KCTD16: variants seen among roughly 807,000 people sequenced by gnomAD.
KCTD16 encodes the protein BTB/POZ domain-containing protein KCTD16.
In KCTD16, 13 loss-of-function variants were observed where a neutral mutation model predicts 33.2. The ratio of observed to expected loss-of-function variants is 0.39; its 90% CI spans 0.25 to 0.62. The LOEUF (loss-of-function observed/expected upper bound fraction) is 0.62, where lower values mean the gene tolerates loss of function less well. Ranked by LOEUF, KCTD16 falls within the 20% of genes least tolerant of loss-of-function variation. The pLI is 0.50. For synonymous variants in KCTD16, 197 were observed against 195.3 expected (o/e 1.01, Z -0.07); for missense variants, 441 against 525.1 (o/e 0.84, Z 1.57).
rs2127008150 is a variant in KCTD16, at chr5:144,482,235, GACTTGTA to G, written c.*8122_*8128del. 2 of 151,936 alleles carry G rather than the reference GACTTGTA, an allele frequency of 1.3e-5. No homozygotes were observed. The highest frequency in any genetic ancestry group is 4.1e-4 in the South Asian group (2 of 4,822). The allele number at this position is 151,936 out of a possible 1,614,324, so 9.4% of individuals were successfully genotyped here. A position where few individuals can be genotyped will look rare whatever the true frequency, so the allele number is the denominator to read the frequency against. ...TCATCAGTTTTTTTTGTTTGTTTGT[GACTTGTA>G]TCTGCCTAGGAGGTAAAGAAAGGGC... On this transcript the variant is annotated 3_prime_UTR_variant, in exon 4 of 4. Transcript: ENST00000512467.
intron 3 of KCTD16, among the ~76,000 whole-genome samples, chr5:144,278,063 G>A (rs1410563847): frequency 2.6e-5 from 4 of 152,122 alleles, no homozygotes; most frequent in Admixed American, 6.5e-5. Context: ...TTTATGGGCT[G>A]TGCTTTTGGT....
chr5:144,252,457 A>G (rs1354513467), intron 3 of KCTD16, among the ~76,000 whole-genome samples: 1 of 152,204 alleles, frequency 6.6e-6, no homozygotes, highest in East Asian at 1.9e-4. Context: ...AACATTTGAC[A>G]GGTGGCCTTA....
intron 3 of KCTD16, among the ~76,000 whole-genome samples, chr5:144,238,145 C>T (rs1754304158): frequency 6.6e-6 from 1 of 152,106 alleles, no homozygotes; most frequent in African/African-American, 2.4e-5. Context: ...CTTGTGCAGC[C>T]AGATGGCTAT....
At chr5:144,228,860 A>G (rs1754012161) in intron 3 of KCTD16, among the ~76,000 whole-genome samples, 1 of 152,240 alleles carries the variant, frequency 6.6e-6, no homozygotes, top group African/African-American at 2.4e-5. Flanking sequence ...ATGTACATAT[A>G]GTACCTACGT....
chr5:144,264,678 T>C (rs1037424499), intron 3 of KCTD16, among the ~76,000 whole-genome samples: 1 of 152,110 alleles, frequency 6.6e-6, no homozygotes, highest in Non-Finnish European at 1.5e-5. Flanking sequence ...GAGGCTGAGA[T>C]GGGAGGATTG....
intron 3 of KCTD16, among the ~76,000 whole-genome samples, chr5:144,337,014 G>T (rs962205349): frequency 2.7e-5 from 4 of 150,884 alleles, no homozygotes; most frequent in African/African-American, 9.7e-5. Flanking sequence ...GTTATATTTT[G>T]CTATATTAAC....
chr5:144,304,712 T>C (rs183557469), intron 3 of KCTD16, among the ~76,000 whole-genome samples: 1 of 152,228 alleles, frequency 6.6e-6, no homozygotes, highest in East Asian at 1.9e-4. Flanking sequence ...TACTGAGAGA[T>C]ATTGGAACGT....
chr5:144,238,577 G>C (rs560378024), intron 3 of KCTD16, among the ~76,000 whole-genome samples: 137 of 152,204 alleles, frequency 9.0e-4, no homozygotes, highest in African/African-American at 3.2e-3. Context: ...TGGTAACCGG[G>C]CTTTATCTTA....
At chr5:144,313,879 G>A (rs1580865664) in intron 3 of KCTD16, among the ~76,000 whole-genome samples, 1 of 152,060 alleles carries the variant, frequency 6.6e-6, no homozygotes, top group Non-Finnish European at 1.5e-5. Flanking sequence ...AGCATGCCAG[G>A]CACTGTCAAT....
intron 3 of KCTD16, among the ~76,000 whole-genome samples, chr5:144,397,573 A>G (rs924109092): frequency 2.0e-5 from 3 of 152,148 alleles, no homozygotes; most frequent in Non-Finnish European, 4.4e-5. Flanking sequence ...ATTTCTCCAC[A>G]TCCTCTCCAG....
At chr5:144,374,136 T>C (rs1427230181) in intron 3 of KCTD16, among the ~76,000 whole-genome samples, 1 of 152,224 alleles carries the variant, frequency 6.6e-6, no homozygotes. Context: ...TAAGGCAACA[T>C]ATTCACAGGT....
chr5:144,172,113 C>A (rs930421706), intron 1 of KCTD16, among the ~76,000 whole-genome samples: 1 of 151,960 alleles, frequency 6.6e-6, no homozygotes, highest in African/African-American at 2.4e-5. Context: ...TCTCTCAACA[C>A]CCCCCACCCC....
chr5:144,196,805 T>C (rs565064791), intron 2 of KCTD16, among the ~76,000 whole-genome samples: 53 of 152,340 alleles, frequency 3.5e-4, no homozygotes, highest in African/African-American at 6.0e-4. Context: ...CTGGCAGCTA[T>C]TGGAACTGCA....
chr5:144,471,329 T>C lies in KCTD16; in HGVS notation c.833-2331T>C, dbSNP rs113603381. Among the ~76,000 whole-genome samples, 517 of 152,358 alleles carry C rather than the reference T, an allele frequency of 3.4e-3. 7 individuals are homozygous for C. Among genetic ancestry groups the C allele is most frequent in the African/African-American group, 0.012 (495 of 41,588 alleles). On this transcript the variant is annotated intron_variant, in intron 3 of 3. Coordinates refer to ENST00000512467, the MANE Select transcript of KCTD16 (RefSeq NM_020768.4). ...AAAAAGACAGCAATTGCTTCTCTAC[T>C]TGTTCAGCAGGGTTTATGGCCAAAA...
intron 3 of KCTD16, among the ~76,000 whole-genome samples, chr5:144,381,876 T>C (rs1027106673): frequency 6.6e-6 from 1 of 152,204 alleles, no homozygotes; most frequent in African/African-American, 2.4e-5. Context: ...CATTATTGGG[T>C]ACATACCTAA....
intron 3 of KCTD16, among the ~76,000 whole-genome samples, chr5:144,224,525 C>T (rs1431200195): frequency 9.9e-5 from 15 of 151,984 alleles, no homozygotes; most frequent in African/African-American, 3.1e-4. Context: ...AATAATCCCT[C>T]ATACCAGCCC....
chr5:144,223,101 C>T (rs1047301909), intron 3 of KCTD16, among the ~76,000 whole-genome samples: 1 of 152,066 alleles, frequency 6.6e-6, no homozygotes, highest in African/African-American at 2.4e-5. Context: ...AATGAGAACA[C>T]TTGGACACAG....
At chr5:144,281,273 G>C (rs1173587219) in intron 3 of KCTD16, among the ~76,000 whole-genome samples, 1 of 152,018 alleles carries the variant, frequency 6.6e-6, no homozygotes, top group Non-Finnish European at 1.5e-5. Context: ...TGTTTCTTAG[G>C]GTAGAAACTT....
In KCTD16 at chr5:144,354,169, AT is replaced by A. The variant is rs573075123; in HGVS notation, c.833-119487del. Among the ~76,000 whole-genome samples the A allele has an allele frequency of 4.6e-3, 697 of 152,282 alleles. 7 individuals are homozygous for A. The highest frequency in any genetic ancestry group is 0.016 in the African/African-American group (677 of 41,554). Reference sequence around the variant, plus strand: ...AACATGATTCTACAACTCTAAAAAAATTTTGTAACTCGCTTTTATCACTTAA... The same window carrying A: ...AACATGATTCTACAACTCTAAAAAAATTTGTAACTCGCTTTTATCACTTAA... On this transcript the variant is annotated intron_variant, in intron 3 of 3. Transcript: ENST00000512467.
Sources: gnomAD v4.1 joint callset for allele counts (sites outside exome capture counted in the v4.1 genomes callset) on GRCh38, gnomAD v4.1.1 for gene constraint, MANE v1.5 for transcripts, NCBI Gene and HGNC (gene_info 2026-07-23, HGNC 2026-07-21) for gene names.